Variants in LINGO2 observed in about 807,000 individuals in gnomAD.
LINGO2 encodes leucine rich repeat and Ig domain containing 2.
LINGO2 carries 14 observed loss-of-function variants against 30.6 expected under a neutral mutation model. That is an observed-to-expected ratio of 0.46 (90% confidence interval 0.30 to 0.72). The LOEUF is 0.72. LINGO2 is among the 30% of genes least tolerant of loss of function. LINGO2 has a pLI of 0.07. For missense variants in LINGO2, 729 were observed against 751.7 expected (o/e 0.97, Z 0.35); for synonymous variants, 317 against 288.5 (o/e 1.10, Z -1.00).
chr9:29,005,894 T>C, the LINGO2 span, among the ~76,000 whole-genome samples: 1 of 152,012 alleles, frequency 6.6e-6, no homozygotes, highest in Non-Finnish European at 1.5e-5. Context: ...GTTGTATTTT[T>C]ATTTTTTCTG....
chr9:28,726,288 AGT>A, the LINGO2 span, among the ~76,000 whole-genome samples: 1 of 152,122 alleles, frequency 6.6e-6, no homozygotes, highest in African/African-American at 2.4e-5. Context: ...TGTTAATGTT[AGT>A]GTTAATATAA....
chr9:28,179,266 T>C (rs1482824589), intron 4 of LINGO2, among the ~76,000 whole-genome samples: 1 of 146,726 alleles, frequency 6.8e-6, no homozygotes, highest in Non-Finnish European at 1.5e-5. Context: ...ATAGATACTA[T>C]ATATAAAAAT....
At chr9:28,855,885 T>C in the LINGO2 span, among the ~76,000 whole-genome samples, 200 of 152,200 alleles carry the variant, frequency 1.3e-3, no homozygotes, top group African/African-American at 4.6e-3. Flanking sequence ...TCCCTGACTA[T>C]TCTTGCCTAG....
chr9:28,779,016 T>G, the LINGO2 span, among the ~76,000 whole-genome samples: 3 of 152,270 alleles, frequency 2.0e-5, no homozygotes, highest in African/African-American at 4.8e-5. Flanking sequence ...AACCCATATC[T>G]ATTCTCAGAG....
At chr9:28,758,923 C>A in the LINGO2 span, among the ~76,000 whole-genome samples, 3 of 152,048 alleles carry the variant, frequency 2.0e-5, 1 homozygote, top group Admixed American at 6.5e-5. Flanking sequence ...AATTAGACTG[C>A]CCTCAAATCT....
At chr9:28,588,907 C>T (rs1000317652) in intron 1 of LINGO2, among the ~76,000 whole-genome samples, 2 of 152,016 alleles carry the variant, frequency 1.3e-5, no homozygotes, top group Non-Finnish European at 2.9e-5. Flanking sequence ...TAGTGCACTG[C>T]TGTGCAAGCT....
intron 2 of LINGO2, among the ~76,000 whole-genome samples, chr9:28,382,772 T>C (rs1471702645): frequency 6.6e-6 from 1 of 152,078 alleles, no homozygotes; most frequent in African/African-American, 2.4e-5. Context: ...AAGTTACTTG[T>C]CCCCATGATT....
intron 4 of LINGO2, among the ~76,000 whole-genome samples, chr9:28,134,589 C>A (rs1411636476): frequency 6.8e-6 from 1 of 147,084 alleles, no homozygotes; most frequent in Non-Finnish European, 1.5e-5. Flanking sequence ...CCGGAGAGCA[C>A]AACACAGATA....
chr9:29,112,460 T>C, the LINGO2 span, among the ~76,000 whole-genome samples: 2 of 152,146 alleles, frequency 1.3e-5, no homozygotes, highest in Non-Finnish European at 1.5e-5. Flanking sequence ...AAATGAAGAA[T>C]GAAGAATTCA....
intron 1 of LINGO2, among the ~76,000 whole-genome samples, chr9:28,634,488 T>C (rs1042204253): frequency 1.4e-5 from 2 of 140,542 alleles, no homozygotes; most frequent in East Asian, 4.1e-4. Flanking sequence ...TTTTTTTCTT[T>C]TTTTTTTTTT....
the LINGO2 span, among the ~76,000 whole-genome samples, chr9:29,020,900 C>A: frequency 6.6e-6 from 1 of 151,918 alleles, no homozygotes; most frequent in Non-Finnish European, 1.5e-5. Flanking sequence ...TAAAACAAGG[C>A]ATTTTTAAAA....
In LINGO2 at chr9:28,012,784, C is replaced by T. The variant is rs534681347; in HGVS notation, c.-86-379G>A. 1.1e-4 allele frequency among the ~76,000 whole-genome samples: 16 copies of T among 152,200 alleles called. No individual in the cohort carries two copies. The South Asian group carries it at 3.1e-3, about 30-fold the overall frequency. On this transcript the variant is annotated intron_variant, in intron 4 of 5. Coordinates refer to ENST00000379992, the Ensembl canonical transcript of LINGO2. ...AACTCCCACTTATAGCCCCAAGGAG[C>T]CTACTTTCTTTTCTTCACTTTTATG...
intron 4 of LINGO2, among the ~76,000 whole-genome samples, chr9:28,254,635 T>C (rs759914444): frequency 2.8e-4 from 42 of 152,120 alleles, no homozygotes; most frequent in Non-Finnish European, 4.9e-4. Context: ...TTTTAACTTA[T>C]GTATAAAGGT....
chr9:28,699,205 T>C, the LINGO2 span, among the ~76,000 whole-genome samples: 4 of 152,184 alleles, frequency 2.6e-5, no homozygotes, highest in East Asian at 7.7e-4. Flanking sequence ...TGACAATGTA[T>C]AATGACACTT....
chr9:28,456,266 C>T (rs1198836123), intron 2 of LINGO2, among the ~76,000 whole-genome samples: 1 of 152,146 alleles, frequency 6.6e-6, no homozygotes, highest in Admixed American at 6.6e-5. Context: ...CAAGATTCAA[C>T]ACAAGGCAAC....
chr9:28,466,798 A>C (rs1050695177), intron 2 of LINGO2, among the ~76,000 whole-genome samples: 1 of 152,214 alleles, frequency 6.6e-6, no homozygotes, highest in Non-Finnish European at 1.5e-5. Flanking sequence ...ACTTTAACTC[A>C]AAGTGTTTTT....
At chr9:28,041,884 A>C (rs1824212732) in intron 4 of LINGO2, among the ~76,000 whole-genome samples, 1 of 152,192 alleles carries the variant, frequency 6.6e-6, no homozygotes, top group Non-Finnish European at 1.5e-5. Flanking sequence ...AAACCCATGA[A>C]CTACTTTAGC....
At chr9:28,373,299 A>G (rs1564157816) in intron 2 of LINGO2, among the ~76,000 whole-genome samples, 1 of 152,266 alleles carries the variant, frequency 6.6e-6, no homozygotes, top group East Asian at 1.9e-4. Context: ...CAGGTTCTAT[A>G]TTTCTACTCT....
intron 4 of LINGO2, among the ~76,000 whole-genome samples, chr9:28,165,026 C>G (rs1828388182): frequency 6.6e-6 from 1 of 152,228 alleles, no homozygotes; most frequent in Non-Finnish European, 1.5e-5. Context: ...CAGTGAAGCA[C>G]CAACCTCATC....
Sources: allele counts gnomAD v4.1 joint callset (sites outside exome capture counted in the v4.1 genomes callset), GRCh38; gene constraint gnomAD v4.1.1; transcripts MANE v1.5; gene names NCBI Gene and HGNC (gene_info 2026-07-23, HGNC 2026-07-21).